The following FABP12 variants were observed in gnomAD, a reference collection of about 807,000 sequenced individuals.
FABP12 encodes fatty acid-binding protein 12.
In FABP12, 19 loss-of-function variants were observed where a neutral mutation model predicts 13.7. The observed-to-expected ratio is 1.39, with a 90% CI of 0.97 to 2.04. FABP12 has a LOEUF of 2.04. FABP12 is among the 30% of genes most tolerant of loss of function. FABP12 has a pLI of 0.00. For synonymous variants in FABP12, 61 were observed against 57.0 expected (o/e 1.07, Z -0.32); for missense variants, 182 against 164.2 (o/e 1.11, Z -0.59).
At chr8:81,576,182 A>G (rs903548000) in intron 1 of FABP12, among the ~76,000 whole-genome samples, 4 of 152,194 alleles carry the variant, frequency 2.6e-5, no homozygotes, top group Non-Finnish European at 5.9e-5. Flanking sequence ...TTTGAATGAT[A>G]TAACGATAGT....
chr8:81,590,099 T>C lies in FABP12; in HGVS notation c.-231A>G, dbSNP rs888630081. ...TTGAAGTGAACCTGAGGAAAGACCATGGGACTTCCACCTGCATGTTATGCA... is the reference window on the plus strand; with the variant it reads ...TTGAAGTGAACCTGAGGAAAGACCACGGGACTTCCACCTGCATGTTATGCA... On this transcript the variant is annotated 5_prime_UTR_variant, in exon 1 of 6. Transcript: ENST00000692030. Among the ~76,000 whole-genome samples, 6 of 152,220 alleles carry C rather than the reference T, an allele frequency of 3.9e-5. No homozygotes were observed. In the East Asian group the frequency reaches 9.6e-4, roughly 24 times the overall value.
At chr8:81,579,691 A>G (rs988017296) in intron 1 of FABP12, among the ~76,000 whole-genome samples, 6 of 152,196 alleles carry the variant, frequency 3.9e-5, no homozygotes, top group African/African-American at 1.4e-4. Flanking sequence ...GTACATTTTG[A>G]CTGAATTATC....
intron 1 of FABP12, among the ~76,000 whole-genome samples, chr8:81,545,272 C>T (rs1809418771): frequency 6.6e-6 from 1 of 152,116 alleles, no homozygotes; most frequent in South Asian, 2.1e-4. Context: ...GCCTCGTGCT[C>T]CATTCTAATC....
chr8:81,559,494 G>C (rs55646326), intron 1 of FABP12, among the ~76,000 whole-genome samples: 1 of 152,164 alleles, frequency 6.6e-6, no homozygotes, highest in Non-Finnish European at 1.5e-5. Context: ...GTGATCGGGG[G>C]CTGGTCCAAA....
upstream of FABP12, among the ~76,000 whole-genome samples, chr8:81,535,918 T>C (rs1809210623): frequency 6.6e-6 from 1 of 152,180 alleles, no homozygotes; most frequent in Non-Finnish European, 1.5e-5. Flanking sequence ...CTTTTGATTG[T>C]ATGTATGAAG....
At chr8:81,581,096 C>CG (rs1010349810) in intron 1 of FABP12, among the ~76,000 whole-genome samples, 10 of 152,014 alleles carry the variant, frequency 6.6e-5, no homozygotes, top group African/African-American at 2.4e-4. Flanking sequence ...ATCAACAGGA[C>CG]GGGGAAAAGA....
At chr8:81,581,433 C>CAT (rs1237598463) in intron 1 of FABP12, among the ~76,000 whole-genome samples, 1 of 152,146 alleles carries the variant, frequency 6.6e-6, no homozygotes, top group African/African-American at 2.4e-5. Context: ...AGCTCAGAAC[C>CAT]AGATTTAACT....
rs898278084 is a variant in FABP12 at position 81,553,350 on chromosome 8, C to T, written c.-184-13607G>A. Reference sequence around the variant, plus strand: ...TGGGTGATCACTTCTTCATTTGCTACCTTAAATCTTGTTTTCAACCTAACG... The same window carrying T: ...TGGGTGATCACTTCTTCATTTGCTATCTTAAATCTTGTTTTCAACCTAACG... On this transcript the variant is annotated intron_variant, in intron 1 of 5. Transcript: ENST00000692030. Among the ~76,000 whole-genome samples the T allele has an allele frequency of 2.3e-4, 35 of 152,244 alleles. 1 individual carries two copies. The highest frequency in any genetic ancestry group is 7.7e-4 in the African/African-American group (32 of 41,552).
chr8:81,557,607 G>T (rs970944174), intron 1 of FABP12, among the ~76,000 whole-genome samples: 2 of 152,204 alleles, frequency 1.3e-5, no homozygotes, highest in Non-Finnish European at 2.9e-5. Flanking sequence ...AGCTATATAA[G>T]CAGTGATTAT....
intron 4 of FABP12, chr8:81,525,853 T>C (rs889378910): frequency 6.6e-6 from 1 of 152,220 alleles, no homozygotes; most frequent in Non-Finnish European, 1.5e-5. Context: ...GGCACTAATA[T>C]ACACATGATG....
At chr8:81,528,171 C>A (rs1470776994) in intron 3 of FABP12, among the ~76,000 whole-genome samples, 1 of 152,066 alleles carries the variant, frequency 6.6e-6, no homozygotes, top group Admixed American at 6.6e-5. Context: ...CTTCAACCTC[C>A]TGTGCTCCAG....
At chr8:81,529,394 A>C in intron 3 of FABP12, 44 bp downstream of exon 3, 7 of 1,589,278 alleles carry the variant, frequency 4.4e-6, no homozygotes, top group Non-Finnish European at 6.0e-6. Context: ...ATATCTGACT[A>C]ACATTCTTTT....
chr8:81,583,005 T>G (rs943028424), intron 1 of FABP12, among the ~76,000 whole-genome samples: 3 of 152,106 alleles, frequency 2.0e-5, no homozygotes, highest in African/African-American at 7.2e-5. Context: ...ATTAAGTACC[T>G]TCTCAGACCA....
chr8:81,557,811 G>T (rs891644035), intron 1 of FABP12, among the ~76,000 whole-genome samples: 2 of 152,126 alleles, frequency 1.3e-5, no homozygotes, highest in African/African-American at 4.8e-5. Flanking sequence ...ATAAGAAAAA[G>T]CTTTTTTTTC....
intron 1 of FABP12, among the ~76,000 whole-genome samples, chr8:81,563,541 A>G (rs1439702281): frequency 6.6e-6 from 1 of 152,218 alleles, no homozygotes; most frequent in African/African-American, 2.4e-5. Flanking sequence ...AAGATAACAC[A>G]AAGAAGAAAT....
chr8:81,538,658 T>A (rs1809280009), upstream of FABP12, among the ~76,000 whole-genome samples: 2 of 152,092 alleles, frequency 1.3e-5, no homozygotes, highest in Admixed American at 6.6e-5. Flanking sequence ...CCCCAGAGCC[T>A]TCTAGAAGCT....
At chr8:81,577,673 A>G (rs1374962556) in intron 1 of FABP12, among the ~76,000 whole-genome samples, 1 of 152,202 alleles carries the variant, frequency 6.6e-6, no homozygotes, top group African/African-American at 2.4e-5. Flanking sequence ...AAGTAGGAGA[A>G]TCGCTTGAAC....
intron 1 of FABP12, among the ~76,000 whole-genome samples, chr8:81,570,860 T>C (rs978677191): frequency 6.6e-6 from 1 of 151,834 alleles, no homozygotes; most frequent in Admixed American, 6.6e-5. Flanking sequence ...GTACCACAGG[T>C]CCCCACTCTG....
At position 81,529,716 on chromosome 8, in the gene FABP12, T is replaced by G. The variant is rs1006092595; in HGVS notation, c.74-106A>C. ...TGTTGTTGACTCCAAAAACTCAACA[T>G]TATCTGTATAATTCTTTGCTAACTA... On this transcript the variant is annotated intron_variant, in intron 2 of 4. Coordinates refer to ENST00000360464, the Ensembl canonical transcript of FABP12. 1.5e-5 allele frequency: 15 copies of G among 1,026,970 alleles called. No homozygotes were observed. The African/African-American group carries it at 2.1e-4, about 14-fold the overall frequency. The allele number at this position is 1,026,970 out of a possible 1,614,324, so 63.6% of individuals were successfully genotyped here. A position where few individuals can be genotyped will look rare whatever the true frequency, so the allele number is the denominator to read the frequency against.
Sources: allele counts gnomAD v4.1 joint callset (sites outside exome capture counted in the v4.1 genomes callset), GRCh38; gene constraint gnomAD v4.1.1; transcripts MANE v1.5; gene names NCBI Gene and HGNC (gene_info 2026-07-23, HGNC 2026-07-21).